USP13: variants seen among roughly 807,000 people sequenced by gnomAD.
USP13 encodes the protein ubiquitin carboxyl-terminal hydrolase 13.
Under a neutral mutation model 107.8 loss-of-function variants are expected in USP13, and 68 were observed. That is an observed-to-expected ratio of 0.63 (90% confidence interval 0.52 to 0.77). USP13 has a LOEUF of 0.77. USP13 is among the 30% of genes least tolerant of loss of function. The probability of loss-of-function intolerance (pLI) is 0.00; values close to 1 mark genes in which losing one functional copy is unlikely to be tolerated. For synonymous variants in USP13, 377 were observed against 389.5 expected (o/e 0.97, Z 0.38); for missense variants, 945 against 1,093.3 (o/e 0.86, Z 1.91).
chr3:179,746,773 C>A (rs924486042), intron 13 of USP13, among the ~76,000 whole-genome samples: 6 of 152,132 alleles, frequency 3.9e-5, no homozygotes, highest in African/African-American at 1.4e-4. Context: ...ACTATTTAGC[C>A]AGGCTGATCT....
At chr3:179,666,789 T>C (rs551178433) in intron 1 of USP13, among the ~76,000 whole-genome samples, 1 of 152,018 alleles carries the variant, frequency 6.6e-6, no homozygotes, top group South Asian at 2.1e-4. Flanking sequence ...CACGAGAGCA[T>C]GTGCTTGCCG....
intron 6 of USP13, among the ~76,000 whole-genome samples, chr3:179,719,515 C>T (rs540497645): frequency 6.6e-6 from 1 of 152,144 alleles, no homozygotes; most frequent in East Asian, 1.9e-4. Context: ...TGTGTGTTCT[C>T]TCTGTTCCCC....
At chr3:179,680,387 T>C (rs549914868) in intron 1 of USP13, among the ~76,000 whole-genome samples, 1 of 152,286 alleles carries the variant, frequency 6.6e-6, no homozygotes, top group South Asian at 2.1e-4. Context: ...TCTTGGAATA[T>C]TTGCATTATA....
chr3:179,752,447 C>T, intron 14 of USP13, 74 bp downstream of exon 14: 1 of 1,123,616 alleles, frequency 8.9e-7, no homozygotes, highest in Non-Finnish European at 1.4e-6. Context: ...TGAAAGAGCC[C>T]ATGTAGTTGG....
Position 179,785,429 on chromosome 3 carries a change from G to A in USP13, c.*1288G>A, listed in dbSNP as rs1715890728. The A allele has an allele frequency of 6.6e-6, 1 of 152,162 alleles. No homozygotes were observed. Among genetic ancestry groups the A allele is most frequent in the African/African-American group, 2.4e-5 (1 of 41,428 alleles). The allele number at this position is 152,162 out of a possible 1,614,324, so 9.4% of individuals were successfully genotyped here. On this transcript the variant is annotated 3_prime_UTR_variant, in exon 21 of 21. Transcript: ENST00000263966. ...GCATTTTAGTTGCAACCTGGGATTA[G>A]ATTAGAGTTTCCAACGTGATGAAAA...
intron 8 of USP13, among the ~76,000 whole-genome samples, chr3:179,728,063 G>T (rs1296719150): frequency 9.0e-5 from 6 of 66,878 alleles, no homozygotes; most frequent in Admixed American, 1.8e-4. Flanking sequence ...GCGGCTGGCC[G>T]GGCGGGGGGC....
intron 8 of USP13, among the ~76,000 whole-genome samples, chr3:179,729,450 C>T (rs1321206434): frequency 2.6e-5 from 4 of 152,092 alleles, no homozygotes; most frequent in African/African-American, 9.7e-5. Context: ...CGAGTCTTGT[C>T]CCTAACTGTA....
chr3:179,762,648 T>A (rs879043182), intron 17 of USP13, among the ~76,000 whole-genome samples: 2 of 152,210 alleles, frequency 1.3e-5, no homozygotes, highest in Non-Finnish European at 2.9e-5. Flanking sequence ...TTAATCTTTA[T>A]CAGTTCATGG....
intron 12 of USP13, among the ~76,000 whole-genome samples, chr3:179,743,789 A>G (rs936474372): frequency 6.6e-6 from 1 of 151,074 alleles, no homozygotes; most frequent in Non-Finnish European, 1.5e-5. Context: ...GACTGTTGGG[A>G]ACACCTAATG....
At chr3:179,773,415 GACTA>G (rs780203799) in intron 19 of USP13, among the ~76,000 whole-genome samples, 25 of 152,278 alleles carry the variant, frequency 1.6e-4, no homozygotes, top group Non-Finnish European at 2.6e-4. Context: ...ACTCTCTGTA[GACTA>G]ACTAAATAAT....
rs1715000985 is a variant in USP13, at chr3:179,761,238, T to C, written c.2075T>C (p.Val692Ala). 1 of 1,614,092 alleles carries C rather than the reference T, an allele frequency of 6.2e-7. No individual in the cohort carries two copies. Among genetic ancestry groups the C allele is most frequent in the South Asian group, 1.1e-5 (1 of 91,086 alleles). Residue 692 changes from valine to alanine, a missense_variant, in exon 17 of 21, where the codon GTT (valine) becomes GCT (alanine). By Grantham distance (64) the Val-to-Ala change is moderately conservative. Transcript: ENST00000263966. ...GAEVAFNWII[V>A]HMEEPDFAEP... Reference sequence around the variant, plus strand: ...GAGGTGGCCTTCAACTGGATCATTGTTCACATGGAAGAGCCAGGTAGGTGG... The same window carrying C: ...GAGGTGGCCTTCAACTGGATCATTGCTCACATGGAAGAGCCAGGTAGGTGG...
At chr3:179,710,410 T>C (rs937165505) in intron 6 of USP13, among the ~76,000 whole-genome samples, 5 of 152,226 alleles carry the variant, frequency 3.3e-5, no homozygotes, top group Non-Finnish European at 5.9e-5. Flanking sequence ...CTTTCTATGC[T>C]GTCTTGTGTA....
intron 8 of USP13, among the ~76,000 whole-genome samples, chr3:179,728,203 ACCC>A (rs1263992882): frequency 7.9e-6 from 1 of 125,894 alleles, no homozygotes; most frequent in Non-Finnish European, 1.7e-5. Context: ...CGGGGGGCTG[ACCC>A]CCCCACCTCC....
chr3:179,742,839 G>A lies in USP13; in HGVS notation c.1534+489G>A, dbSNP rs2108513922. On this transcript the variant is annotated intron_variant, in intron 12 of 20. Transcript: ENST00000263966. This position sits in a 1 kb window ranked among gnomAD's most constrained non-coding sequence, Gnocchi z 5.0. The stretch of plus-strand genomic sequence containing the variant: ...AATTGTGTCAGGGTTCTTTGTAGAA[G>A]CAAAGCCCATTAGAAGGGTCTCTGG... Among the ~76,000 whole-genome samples, 1 of 152,298 alleles carries A rather than the reference G, an allele frequency of 6.6e-6. No homozygotes were observed. The highest frequency in any genetic ancestry group is 1.9e-4 in the East Asian group (1 of 5,182).
intron 2 of USP13, among the ~76,000 whole-genome samples, chr3:179,682,584 T>C (rs755251782): frequency 1.4e-4 from 21 of 152,196 alleles, no homozygotes; most frequent in Non-Finnish European, 2.6e-4. Flanking sequence ...GTGAAGAGTT[T>C]TTCCCCTCGG....
intron 3 of USP13, among the ~76,000 whole-genome samples, chr3:179,697,460 C>T (rs547819465): frequency 6.6e-6 from 1 of 152,308 alleles, no homozygotes; most frequent in East Asian, 1.9e-4. Context: ...CACTGTCCTT[C>T]ATAGCTTAGG....
At chr3:179,756,979 A>G (rs3732992) in intron 15 of USP13, 73 bp from the exon 16 acceptor site, 300,610 of 1,540,624 alleles carry the variant, frequency 0.2, 30,267 homozygotes, top group South Asian at 0.21. Context: ...GCCCTGGATC[A>G]ATGGGTTTTC....
chr3:179,699,505 T>C (rs1051280476), intron 3 of USP13, among the ~76,000 whole-genome samples: 2 of 152,018 alleles, frequency 1.3e-5, no homozygotes, highest in Non-Finnish European at 2.9e-5. Flanking sequence ...TGAGGCAAGG[T>C]ATTTGAGACT....
chr3:179,760,083 G>A (rs1259339998), intron 16 of USP13, among the ~76,000 whole-genome samples: 52 of 152,102 alleles, frequency 3.4e-4, no homozygotes, highest in Admixed American at 3.3e-3. Context: ...TCAGGACATG[G>A]AAAACCCAAG....
Sources: allele counts gnomAD v4.1 joint callset (sites outside exome capture counted in the v4.1 genomes callset), GRCh38; gene constraint gnomAD v4.1.1; non-coding constraint Gnocchi (gnomAD v3.1); transcripts MANE v1.5; gene names NCBI Gene and HGNC (gene_info 2026-07-23, HGNC 2026-07-21).